Variants in RNF4 observed in about 807,000 individuals in gnomAD.
RNF4 encodes the protein ring finger protein 4.
RNF4 carries 7 observed loss-of-function variants against 24.3 expected under a neutral mutation model. That is an observed-to-expected ratio of 0.29 (90% confidence interval 0.16 to 0.54). The LOEUF (loss-of-function observed/expected upper bound fraction) is 0.54. Among genes scored for constraint, RNF4 ranks in the 20% least tolerant of loss-of-function variants. The pLI, the probability that RNF4 is intolerant of heterozygous loss-of-function variation, is 0.95. For synonymous variants in RNF4, 83 were observed against 84.3 expected, an observed-to-expected ratio of 0.98 and a Z score of 0.09; for missense variants, 209 against 248.5, an observed-to-expected ratio of 0.84 and a Z score of 1.07.
At chr4:2,482,734 AG>A (rs1175300749) in intron 1 of RNF4, among the ~76,000 whole-genome samples, 1 of 152,214 alleles carries the variant, frequency 6.6e-6, no homozygotes, top group Admixed American at 6.5e-5. Flanking sequence ...CTCTGAGCAT[AG>A]TCTGCTGCTT....
At chr4:2,487,586 A>G (rs1735449400) in intron 1 of RNF4, among the ~76,000 whole-genome samples, 1 of 152,046 alleles carries the variant, frequency 6.6e-6, no homozygotes, top group African/African-American at 2.4e-5. Context: ...GCCCAGCCTC[A>G]TTATTTTAAT....
At chr4:2,501,217 G>A (rs187251303) in intron 4 of RNF4, among the ~76,000 whole-genome samples, 3 of 152,368 alleles carry the variant, frequency 2.0e-5, no homozygotes, top group South Asian at 2.1e-4. Flanking sequence ...AACAGATGCC[G>A]TGTTTGAGTG....
At chr4:2,510,544 A>T (rs1051484070) in intron 4 of RNF4, among the ~76,000 whole-genome samples, 1 of 152,222 alleles carries the variant, frequency 6.6e-6, no homozygotes, top group Admixed American at 6.5e-5. Context: ...AGCAGCTCAA[A>T]TCGGCCTCCA....
At chr4:2,470,565 A>G (rs913822758) in intron 1 of RNF4, among the ~76,000 whole-genome samples, 7 of 152,166 alleles carry the variant, frequency 4.6e-5, no homozygotes, top group African/African-American at 1.4e-4. Context: ...TTTTGTAAAC[A>G]TTGTTTTTCT....
intron 1 of RNF4, among the ~76,000 whole-genome samples, chr4:2,475,414 T>C (rs1481037233): frequency 2.0e-5 from 3 of 151,820 alleles, no homozygotes; most frequent in East Asian, 1.9e-4. Flanking sequence ...TCTCGGCTCA[T>C]TGCAAGCTCC....
intron 2 of RNF4, among the ~76,000 whole-genome samples, chr4:2,491,883 A>G (rs1735587849): frequency 6.6e-6 from 1 of 151,250 alleles, no homozygotes; most frequent in Non-Finnish European, 1.5e-5. Flanking sequence ...ATAGGCATGC[A>G]CCACCGCACC....
chr4:2,472,320 C>A (rs1323185509), intron 1 of RNF4, among the ~76,000 whole-genome samples: 1 of 152,296 alleles, frequency 6.6e-6, no homozygotes. Flanking sequence ...AAAAAGATTT[C>A]TTTCAAAATA....
At chr4:2,486,961 TGTG>T (rs768210649) in intron 1 of RNF4, among the ~76,000 whole-genome samples, 30 of 152,134 alleles carry the variant, frequency 2.0e-4, no homozygotes, top group Non-Finnish European at 3.4e-4. Flanking sequence ...ACCCAGGACA[TGTG>T]GTGGATCTGG....
At chr4:2,513,566 C>T (rs1736328648) in intron 7 of RNF4, 104 bp from the exon 8 acceptor site, 2 of 1,400,340 alleles carry the variant, frequency 1.4e-6, no homozygotes, top group Non-Finnish European at 2.0e-6. Flanking sequence ...CCCTTGCTTT[C>T]CTTTAATTAG....
chr4:2,479,573 C>T (rs1328761510), intron 1 of RNF4, among the ~76,000 whole-genome samples: 1 of 152,148 alleles, frequency 6.6e-6, no homozygotes, highest in Non-Finnish European at 1.5e-5. Context: ...CTCTCTTTGC[C>T]TGCCGCCATC....
At position 2,512,226 on chromosome 4, in the gene RNF4, C is replaced by T. The variant is rs973940953; in HGVS notation, c.215-212C>T. 1.5e-6 allele frequency: 1 copy of T among 667,146 alleles called. No individual in the cohort carries two copies. Among genetic ancestry groups the T allele is most frequent in the Non-Finnish European group, 2.6e-6 (1 of 391,494 alleles). 41.3% of individuals were successfully genotyped at this position (667,146 alleles called of 1,614,324 possible). On this transcript the variant is annotated intron_variant, in intron 5 of 7. Coordinates refer to ENST00000314289, the MANE Select transcript of RNF4 (RefSeq NM_002938.5). The surrounding 1 kb of genome is among the most constrained non-coding windows in gnomAD (Gnocchi z 4.1). ...GATTTTGGAGAAGGCTGGTAGCTCACAGCAGGGGTTGGGGGGTTTCTCCTG... is the reference window on the plus strand; with the variant it reads ...GATTTTGGAGAAGGCTGGTAGCTCATAGCAGGGGTTGGGGGGTTTCTCCTG...
chr4:2,483,002 G>C (rs1206017425), intron 1 of RNF4, among the ~76,000 whole-genome samples: 3 of 152,170 alleles, frequency 2.0e-5, no homozygotes, highest in Non-Finnish European at 4.4e-5. Context: ...GTTCCTCCTG[G>C]GGTGAAGGTT....
chr4:2,514,001 G>C lies in RNF4; in HGVS notation c.*182G>C. The C allele has an allele frequency of 1.3e-6, 1 of 778,658 alleles. No individual in the cohort carries two copies. The highest frequency in any genetic ancestry group is 2.0e-6 in the Non-Finnish European group (1 of 496,294). The allele number at this position is 778,658 out of a possible 1,614,324, so 48.2% of individuals were successfully genotyped here. On this transcript the variant is annotated 3_prime_UTR_variant, in exon 8 of 8. Coordinates refer to ENST00000314289, the MANE Select transcript of RNF4 (RefSeq NM_002938.5). ...TCTCCAGTTTGATGCTATGGCGCTG[G>C]ACCCAGGGCCCTCCCAGGCCATCTC...
chr4:2,504,923 G>A (rs1305990290), intron 4 of RNF4, among the ~76,000 whole-genome samples: 3 of 151,850 alleles, frequency 2.0e-5, no homozygotes, highest in Non-Finnish European at 4.4e-5. Flanking sequence ...TAGTAGAGAT[G>A]GGGTTTCACC....
intron 1 of RNF4, among the ~76,000 whole-genome samples, chr4:2,484,067 T>TCCCCCCCCCCCCCCCCCCC (rs56727538): frequency 7.5e-5 from 1 of 13,278 alleles, no homozygotes; most frequent in Non-Finnish European, 1.6e-4. Flanking sequence ...CCTCAGGTGA[T>TCCCCCCCCCCCCCCCCCCC]CCCCCCCCGC....
At chr4:2,488,263 G>A (rs1735473349) in intron 1 of RNF4, among the ~76,000 whole-genome samples, 1 of 152,182 alleles carries the variant, frequency 6.6e-6, no homozygotes, top group South Asian at 2.1e-4. Flanking sequence ...AGAAGTTCGA[G>A]ACCAGCCTGG....
intron 4 of RNF4, among the ~76,000 whole-genome samples, chr4:2,504,565 T>C (rs1736012433): frequency 7.0e-6 from 1 of 142,078 alleles, no homozygotes; most frequent in African/African-American, 2.7e-5. Flanking sequence ...TATTTATTTA[T>C]TTTGAGACAG....
At chr4:2,490,612 C>A in intron 2 of RNF4, 110 bp downstream of exon 2, 1 of 1,184,338 alleles carries the variant, frequency 8.4e-7, no homozygotes, top group South Asian at 1.4e-5. Context: ...CTAAGTAACC[C>A]CACTTCTTGA....
intron 4 of RNF4, among the ~76,000 whole-genome samples, chr4:2,504,367 A>G (rs1736003061): frequency 6.6e-6 from 1 of 152,172 alleles, no homozygotes; most frequent in African/African-American, 2.4e-5. Context: ...CCACATCCTC[A>G]TGGCCACTTT....
Sources: allele counts gnomAD v4.1 joint callset (sites outside exome capture counted in the v4.1 genomes callset), GRCh38; gene constraint gnomAD v4.1.1; non-coding constraint Gnocchi (gnomAD v3.1); transcripts MANE v1.5; gene names NCBI Gene and HGNC (gene_info 2026-07-23, HGNC 2026-07-21).